The following RTN4 variants were observed in gnomAD, a reference collection of about 807,000 sequenced individuals.
RTN4 encodes the protein reticulon-4.
RTN4 carries 32 observed loss-of-function variants against 90.4 expected under a neutral mutation model. The ratio of observed to expected loss-of-function variants is 0.35; its 90% confidence interval spans 0.27 to 0.48. RTN4 has a LOEUF of 0.48. RTN4 is among the 20% of genes least tolerant of loss of function. RTN4 has a pLI of 0.99. For missense variants in RTN4, 1,706 were observed against 1,430.2 expected (o/e 1.19, Z -3.11); for synonymous variants, 629 against 552.5 (o/e 1.14, Z -1.94).
the RTN4 span, among the ~76,000 whole-genome samples, chr2:55,119,203 G>A: frequency 4.6e-5 from 7 of 152,218 alleles, no homozygotes; most frequent in Middle Eastern, 3.4e-3. Context: ...TTTTTGAAAC[G>A]TTTTTTTCCT....
chr2:55,096,445 A>G (rs1669036146), intron 1 of RTN4, among the ~76,000 whole-genome samples: 1 of 152,074 alleles, frequency 6.6e-6, no homozygotes, highest in South Asian at 2.1e-4. Context: ...CCTGGAATCT[A>G]TCATTCATCA....
At chr2:54,993,409 CT>C (rs1679180786) in intron 3 of RTN4, among the ~76,000 whole-genome samples, 2 of 152,164 alleles carry the variant, frequency 1.3e-5, no homozygotes, top group South Asian at 4.1e-4. Flanking sequence ...AGTTAAAATT[CT>C]AGCAGTATAT....
chr2:54,976,398 T>C (rs1677636462), intron 5 of RTN4, among the ~76,000 whole-genome samples: 3 of 152,032 alleles, frequency 2.0e-5, no homozygotes, highest in African/African-American at 7.3e-5. Context: ...CAAATGTCCT[T>C]AGGGCCAGGC....
At chr2:54,998,498 C>G (rs1365662823) in intron 3 of RTN4, among the ~76,000 whole-genome samples, 3 of 152,050 alleles carry the variant, frequency 2.0e-5, no homozygotes, top group Admixed American at 2.0e-4. Flanking sequence ...ACGCTTTAGA[C>G]TTAACATTTA....
chr2:55,050,876 C>CGGCGCGGTTTCT (rs1668072210), upstream of RTN4: 3 of 151,776 alleles, frequency 2.0e-5, no homozygotes, highest in South Asian at 6.2e-4. The surrounding 1 kb of genome is among the most constrained non-coding windows in gnomAD (Gnocchi z 4.6). Flanking sequence ...TGGGAGGGGT[C>CGGCGCGGTTTCT]GGCGCGGTTT....
intron 1 of RTN4, among the ~76,000 whole-genome samples, chr2:55,082,673 A>T (rs1258274603): frequency 6.6e-6 from 1 of 152,254 alleles, no homozygotes; most frequent in Non-Finnish European, 1.5e-5. Context: ...GTTGGAAACA[A>T]TAAAATTATT....
At chr2:55,000,913 A>C (rs1012213006) in intron 3 of RTN4, among the ~76,000 whole-genome samples, 7 of 152,148 alleles carry the variant, frequency 4.6e-5, no homozygotes, top group African/African-American at 1.7e-4. Flanking sequence ...AATAATAGGA[A>C]TAAACCATGT....
chr2:55,028,271 G>C (rs1008053628), intron 1 of RTN4, 51 bp from the exon 2 acceptor site: 1 of 1,530,102 alleles, frequency 6.5e-7, no homozygotes, highest in Non-Finnish European at 9.0e-7. Flanking sequence ...CAGATTGAAA[G>C]GAGACTAAAG....
At chr2:55,022,910 C>A (rs549023972) in intron 3 of RTN4, among the ~76,000 whole-genome samples, 1 of 151,550 alleles carries the variant, frequency 6.6e-6, no homozygotes, top group East Asian at 1.9e-4. Context: ...CACACACACA[C>A]ACACACACAC....
intron 1 of RTN4, among the ~76,000 whole-genome samples, chr2:55,090,163 G>C (rs993392311): frequency 6.6e-6 from 1 of 152,172 alleles, no homozygotes; most frequent in African/African-American, 2.4e-5. Flanking sequence ...GATAGGGCTG[G>C]AGTGGAGACA....
chr2:54,973,251 A>G (rs1231387098), intron 8 of RTN4, 53 bp from the exon 9 acceptor site: 1 of 1,423,436 alleles, frequency 7.0e-7, no homozygotes, highest in Admixed American at 1.7e-5. Flanking sequence ...GCTGCTTAAA[A>G]TACCATCTTC....
chr2:54,980,559 G>T (rs998426812), intron 5 of RTN4, among the ~76,000 whole-genome samples: 16 of 152,256 alleles, frequency 1.1e-4, no homozygotes, highest in Non-Finnish European at 1.9e-4. Flanking sequence ...TGCCTTCACT[G>T]CTATACTGTG....
intron 3 of RTN4, among the ~76,000 whole-genome samples, chr2:54,996,751 T>A (rs1383390312): frequency 6.6e-6 from 1 of 152,204 alleles, no homozygotes; most frequent in African/African-American, 2.4e-5. Flanking sequence ...TCTTTGTTTC[T>A]TATCTTTTTG....
intron 4 of RTN4, among the ~76,000 whole-genome samples, chr2:54,986,608 C>A (rs528706537): frequency 6.6e-6 from 1 of 152,036 alleles, no homozygotes; most frequent in South Asian, 2.1e-4. Flanking sequence ...GAGATGAAAA[C>A]AAAGATAACA....
At chr2:55,035,257 T>C (rs1166438608) in intron 1 of RTN4, among the ~76,000 whole-genome samples, 2 of 152,120 alleles carry the variant, frequency 1.3e-5, no homozygotes, top group Non-Finnish European at 2.9e-5. Flanking sequence ...TTCACCAAGA[T>C]AAAACATTTC....
intron 3 of RTN4, among the ~76,000 whole-genome samples, chr2:54,998,450 G>C (rs1679615863): frequency 6.6e-6 from 1 of 152,044 alleles, no homozygotes; most frequent in Admixed American, 6.6e-5. Flanking sequence ...CTTATGACAG[G>C]TCACTAATTC....
intron 1 of RTN4, among the ~76,000 whole-genome samples, chr2:55,091,642 A>G (rs962036209): frequency 2.6e-5 from 4 of 152,152 alleles, no homozygotes; most frequent in Admixed American, 2.0e-4. Flanking sequence ...TGCCTGGGCA[A>G]TATAGCAGGA....
rs1250219174 is a variant in RTN4, at chr2:54,974,905, A to C, written c.3361-141T>G. 4.5e-5 allele frequency: 29 copies of C among 641,476 alleles called. No homozygotes were observed. The East Asian group carries it at 8.0e-4, about 18-fold the overall frequency. The allele number at this position is 641,476 out of a possible 1,614,324, so 39.7% of individuals were successfully genotyped here. A position where few individuals can be genotyped will look rare whatever the true frequency, so the allele number is the denominator to read the frequency against. ...CTGGGTAAAGTACCATGAGCAGTTC[A>C]CTATTAAGTCACGAGTCTCAATTAT... On this transcript the variant is annotated intron_variant, in intron 5 of 8. Transcript: ENST00000337526.
At chr2:55,056,776 T>G (rs928650649) in intron 2 of RTN4, among the ~76,000 whole-genome samples, 1 of 152,192 alleles carries the variant, frequency 6.6e-6, no homozygotes, top group Non-Finnish European at 1.5e-5. Context: ...CCCAATATAG[T>G]GATTATGTGT....
Sources: gnomAD v4.1 joint callset for allele counts (sites outside exome capture counted in the v4.1 genomes callset) on GRCh38, gnomAD v4.1.1 for gene constraint, Gnocchi (gnomAD v3.1) non-coding constraint, MANE v1.5 for transcripts, NCBI Gene and HGNC (gene_info 2026-07-23, HGNC 2026-07-21) for gene names.